PHACTR1: variants seen among roughly 807,000 people sequenced by gnomAD.
PHACTR1 encodes the protein phosphatase and actin regulator 1, also known as RPEL repeat containing 1.
Under a neutral mutation model 69.2 loss-of-function variants are expected in PHACTR1, and 16 were observed. The observed-to-expected ratio is 0.23, with a 90% CI of 0.16 to 0.35. The LOEUF is 0.35. PHACTR1 is among the 10% of genes least tolerant of loss of function. The pLI, the probability that PHACTR1 is intolerant of heterozygous loss-of-function variation, is 1.00. For missense variants in PHACTR1, 510 were observed against 734.7 expected (o/e 0.69, Z 3.54); for synonymous variants, 312 against 284.5 (o/e 1.10, Z -0.97).
chr6:12,783,870 C>T (rs545537306), intron 4 of PHACTR1, among the ~76,000 whole-genome samples: 38 of 152,064 alleles, frequency 2.5e-4, no homozygotes, highest in African/African-American at 8.4e-4. Context: ...TAGGTAATTG[C>T]TGTAGAAATT....
intron 8 of PHACTR1, chr6:13,214,046 A>C (rs1376315508): frequency 6.6e-6 from 1 of 152,192 alleles, no homozygotes; most frequent in Non-Finnish European, 1.5e-5. Flanking sequence ...TTATAGAAAC[A>C]GGCTTTTGCA....
At chr6:12,771,771 G>A (rs1449087470) in intron 4 of PHACTR1, among the ~76,000 whole-genome samples, 3 of 152,148 alleles carry the variant, frequency 2.0e-5, no homozygotes, top group African/African-American at 7.2e-5. Context: ...AAGGGAATTG[G>A]GATCAGACTC....
intron 4 of PHACTR1, among the ~76,000 whole-genome samples, chr6:13,012,363 G>A (rs1799539406): frequency 1.3e-5 from 2 of 152,242 alleles, no homozygotes; most frequent in African/African-American, 2.4e-5. Context: ...GCAAAGACCT[G>A]CCTTTTGTGG....
intron 10 of PHACTR1, among the ~76,000 whole-genome samples, chr6:13,231,117 G>GAGAGAAAGAAAGAAGGAA (rs760976118): frequency 0.059 from 1,832 of 30,886 alleles, 158 homozygotes; most frequent in Middle Eastern, 0.13. Context: ...AAGAAGGAAA[G>GAGAGAAAGAAAGAAGGAA]AGAGAAAGAA....
At chr6:13,050,824 C>T (rs887206648) in intron 4 of PHACTR1, among the ~76,000 whole-genome samples, 5 of 152,172 alleles carry the variant, frequency 3.3e-5, no homozygotes, top group Non-Finnish European at 7.3e-5. Flanking sequence ...TTGACCTAGT[C>T]ATGAAAACTA....
chr6:13,243,705 A>T (rs887164413), intron 10 of PHACTR1, among the ~76,000 whole-genome samples: 2 of 152,186 alleles, frequency 1.3e-5, no homozygotes, highest in African/African-American at 2.4e-5. Flanking sequence ...TAAGCATAGT[A>T]CCTGATAGGT....
chr6:13,239,823 G>A (rs1453645672), intron 10 of PHACTR1, among the ~76,000 whole-genome samples: 2 of 152,214 alleles, frequency 1.3e-5, no homozygotes, highest in Non-Finnish European at 2.9e-5. Flanking sequence ...GTATGTCCAT[G>A]CCTGTGTGTC....
chr6:13,161,510 G>A (rs1352725943), intron 6 of PHACTR1, among the ~76,000 whole-genome samples: 1 of 150,912 alleles, frequency 6.6e-6, no homozygotes, highest in Non-Finnish European at 1.5e-5. Flanking sequence ...GTTATCTGGT[G>A]GGCCAGATTA....
At chr6:12,886,979 G>T (rs1044749812) in intron 4 of PHACTR1, among the ~76,000 whole-genome samples, 1 of 152,128 alleles carries the variant, frequency 6.6e-6, no homozygotes, top group Non-Finnish European at 1.5e-5. Flanking sequence ...GAGCAGCAGC[G>T]TGCAGCTCCA....
intron 4 of PHACTR1, among the ~76,000 whole-genome samples, chr6:12,998,797 A>C (rs1797746159): frequency 6.6e-6 from 1 of 152,156 alleles, no homozygotes; most frequent in African/African-American, 2.4e-5. Context: ...AAGAAAAAAG[A>C]GTCTATATAA....
chr6:12,958,595 T>C (rs1792212665), intron 4 of PHACTR1, among the ~76,000 whole-genome samples: 1 of 152,188 alleles, frequency 6.6e-6, no homozygotes. Context: ...TCACTCAGCA[T>C]GAATAAGAAA....
intron 4 of PHACTR1, among the ~76,000 whole-genome samples, chr6:12,812,431 G>A (rs1421081004): frequency 6.6e-6 from 1 of 152,162 alleles, no homozygotes; most frequent in Non-Finnish European, 1.5e-5. Flanking sequence ...CCTTGTAATA[G>A]CACTAAGATA....
intron 10 of PHACTR1, among the ~76,000 whole-genome samples, chr6:13,257,925 G>A (rs567244943): frequency 1.3e-5 from 2 of 152,256 alleles, no homozygotes; most frequent in East Asian, 3.9e-4. Context: ...AGTAGCTCCG[G>A]AGCCCAGTGG....
chr6:12,945,089 T>G (rs1262225443), intron 4 of PHACTR1, among the ~76,000 whole-genome samples: 2 of 152,066 alleles, frequency 1.3e-5, no homozygotes, highest in Non-Finnish European at 2.9e-5. Flanking sequence ...TTTTACTCCC[T>G]CAGACATGCC....
At chr6:13,189,677 G>T (rs1583820028) in intron 7 of PHACTR1, among the ~76,000 whole-genome samples, 1 of 152,154 alleles carries the variant, frequency 6.6e-6, no homozygotes, top group Non-Finnish European at 1.5e-5. Context: ...TGGGATTACA[G>T]GAATGAGCCA....
chr6:12,741,368 T>C (rs1765019282), intron 3 of PHACTR1, among the ~76,000 whole-genome samples: 2 of 152,064 alleles, frequency 1.3e-5, no homozygotes, highest in South Asian at 4.1e-4. Flanking sequence ...CCTTTAATAA[T>C]ATTTTGTTAT....
intron 10 of PHACTR1, among the ~76,000 whole-genome samples, chr6:13,234,393 C>G (rs1366401364): frequency 1.3e-5 from 2 of 152,172 alleles, no homozygotes; most frequent in Non-Finnish European, 1.5e-5. Flanking sequence ...TACAAGGCTG[C>G]AGCATTCTCT....
intron 4 of PHACTR1, chr6:12,933,990 A>G (rs1789170136): frequency 1.3e-6 from 2 of 1,520,762 alleles, no homozygotes; most frequent in African/African-American, 1.4e-5. Flanking sequence ...CACAAACTAC[A>G]TGACATAAAA....
chr6:12,733,593 C>G lies in PHACTR1; in HGVS notation c.103+14746C>G, dbSNP rs151085228. ...ATGGTAGCACAGCAGGAGCCAGAAC[C>G]CAGTTTCTCAATGTCTCATCTGTGC... On this transcript the variant is annotated intron_variant, in intron 3 of 14. Coordinates refer to ENST00000332995, the MANE Select transcript of PHACTR1 (RefSeq NM_030948.6). Among the ~76,000 whole-genome samples, 1,203 of 152,260 alleles carry G rather than the reference C, an allele frequency of 7.9e-3. 23 individuals are homozygous for G. The highest frequency in any genetic ancestry group is 0.027 in the African/African-American group (1,114 of 41,540).
Sources: allele counts gnomAD v4.1 joint callset (sites outside exome capture counted in the v4.1 genomes callset), GRCh38; gene constraint gnomAD v4.1.1; transcripts MANE v1.5; gene names NCBI Gene and HGNC (gene_info 2026-07-23, HGNC 2026-07-21).